PGM5: variants seen among roughly 807,000 people sequenced by gnomAD.
PGM5 encodes the protein phosphoglucomutase-like protein 5.
In PGM5, 23 loss-of-function variants were observed where a neutral mutation model predicts 59.2. The observed-to-expected ratio is 0.39, with a 90% CI of 0.28 to 0.55. The LOEUF (loss-of-function observed/expected upper bound fraction) is 0.55. Ranked by LOEUF, PGM5 falls within the 20% of genes least tolerant of loss-of-function variation. The pLI is 0.66. For missense variants in PGM5, 574 were observed against 748.3 expected, an observed-to-expected ratio of 0.77 and a Z score of 2.72; for synonymous variants, 214 against 286.0, an observed-to-expected ratio of 0.75 and a Z score of 2.54.
intron 6 of PGM5, among the ~76,000 whole-genome samples, chr9:68,407,469 C>A (rs1447896684): frequency 1.3e-5 from 2 of 152,110 alleles, no homozygotes; most frequent in Non-Finnish European, 2.9e-5. Flanking sequence ...TGATTAATAT[C>A]CTCTAAAACA....
chr9:68,453,053 G>A (rs1209479195), intron 6 of PGM5, among the ~76,000 whole-genome samples: 1 of 152,198 alleles, frequency 6.6e-6, no homozygotes, highest in East Asian at 1.9e-4. Context: ...ATTTTCCCAT[G>A]TGTGCTGAAT....
chr9:68,372,945 C>T (rs1821779663), intron 1 of PGM5, among the ~76,000 whole-genome samples: 1 of 152,076 alleles, frequency 6.6e-6, no homozygotes, highest in Non-Finnish European at 1.5e-5. Context: ...GGGACTCGCC[C>T]CCATGATCCA....
At chr9:68,370,944 G>C (rs1427928652) in intron 1 of PGM5, among the ~76,000 whole-genome samples, 1 of 152,090 alleles carries the variant, frequency 6.6e-6, no homozygotes, top group Non-Finnish European at 1.5e-5. Flanking sequence ...TGTGTGTTTG[G>C]GAATGCATAT....
chr9:68,489,690 C>T (rs1824357656), intron 9 of PGM5, among the ~76,000 whole-genome samples: 1 of 152,070 alleles, frequency 6.6e-6, no homozygotes, highest in South Asian at 2.1e-4. Context: ...TGATCTCAAA[C>T]TCCTGACCTC....
intron 9 of PGM5, among the ~76,000 whole-genome samples, chr9:68,493,114 C>T (rs931180868): frequency 6.6e-6 from 1 of 152,122 alleles, no homozygotes; most frequent in Non-Finnish European, 1.5e-5. Flanking sequence ...CAGTATTTGA[C>T]TAGGTCCAAT....
chr9:68,493,323 A>G (rs1824430073), intron 9 of PGM5, among the ~76,000 whole-genome samples: 1 of 152,240 alleles, frequency 6.6e-6, no homozygotes, highest in African/African-American at 2.4e-5. Flanking sequence ...TCAAACATTT[A>G]TCAGATACCT....
chr9:68,511,597 C>G (rs763161202), intron 10 of PGM5, among the ~76,000 whole-genome samples: 4 of 122,728 alleles, frequency 3.3e-5, no homozygotes, highest in Non-Finnish European at 6.4e-5. Context: ...TGTCACCAGG[C>G]TGGAGTGCAG....
intron 1 of PGM5, among the ~76,000 whole-genome samples, chr9:68,375,826 A>G (rs1554677573): frequency 6.6e-6 from 1 of 152,228 alleles, no homozygotes; most frequent in Non-Finnish European, 1.5e-5. Flanking sequence ...GCTATCTCTG[A>G]TTAGCTTACA....
intron 6 of PGM5, among the ~76,000 whole-genome samples, chr9:68,403,963 G>A (rs113123527): frequency 0.27 from 40,989 of 152,088 alleles, 6,830 homozygotes; most frequent in Admixed American, 0.35. Context: ...AATGTTGACC[G>A]TAGTTCAAGG....
chr9:68,361,619 C>T (rs1425244086), intron 1 of PGM5, among the ~76,000 whole-genome samples: 19 of 152,204 alleles, frequency 1.2e-4, no homozygotes, highest in Non-Finnish European at 2.8e-4. Context: ...GCTGGGCCCT[C>T]ACATAGTGGG....
At position 68,406,856 on chromosome 9, in the gene PGM5, G is replaced by A. The variant is rs1406135539; in HGVS notation, c.1043+14383G>A. Among the ~76,000 whole-genome samples, 33 of 150,514 alleles carry A rather than the reference G, an allele frequency of 2.2e-4. 1 individual carries two copies. In the East Asian group the frequency reaches 3.3e-3, roughly 15 times the overall value. Reference sequence around the variant, plus strand: ...AGTGGATTCTCATGAGTAGTCTCCCGTGCTTCCACATTAAGGACTAAATGT... The same window carrying A: ...AGTGGATTCTCATGAGTAGTCTCCCATGCTTCCACATTAAGGACTAAATGT... On this transcript the variant is annotated intron_variant, in intron 6 of 10. Transcript: ENST00000396396.
chr9:68,455,330 C>T (rs1346862740), intron 6 of PGM5, among the ~76,000 whole-genome samples: 5 of 152,088 alleles, frequency 3.3e-5, no homozygotes, highest in Non-Finnish European at 7.4e-5. Flanking sequence ...AGAGTTTTGG[C>T]CCTGAGAGAT....
intron 7 of PGM5, chr9:68,466,561 T>G (rs1823938376): frequency 6.4e-6 from 1 of 157,114 alleles, no homozygotes; most frequent in South Asian, 1.9e-4. Context: ...CAGTAGATAT[T>G]CAGGTCAATT....
intron 10 of PGM5, among the ~76,000 whole-genome samples, chr9:68,520,517 C>T (rs1824885839): frequency 6.6e-6 from 1 of 152,096 alleles, no homozygotes; most frequent in African/African-American, 2.4e-5. Context: ...GATATTACAC[C>T]ACGCAACATC....
chr9:68,463,935 C>T (rs1014674385), intron 6 of PGM5, among the ~76,000 whole-genome samples: 15 of 152,184 alleles, frequency 9.9e-5, no homozygotes, highest in African/African-American at 2.6e-4. Flanking sequence ...CCTCAACTTA[C>T]GATGGGATTG....
intron 6 of PGM5, chr9:68,399,253 A>T (rs1454507939): frequency 1.3e-5 from 2 of 151,962 alleles, no homozygotes; most frequent in Admixed American, 6.6e-5. Flanking sequence ...ATCACAGTGA[A>T]TACTGCTGCA....
intron 6 of PGM5, chr9:68,400,683 C>T (rs1344365068): frequency 6.6e-6 from 1 of 152,508 alleles, no homozygotes; most frequent in African/African-American, 2.4e-5. Flanking sequence ...GACCCAATCT[C>T]CTTTGGATAT....
Position 68,384,463 on chromosome 9 carries a change from A to G in PGM5, c.490A>G (p.Ile164Val), listed in dbSNP as rs782169836. 1 of 1,602,712 alleles carries G rather than the reference A, an allele frequency of 6.2e-7. No individual in the cohort carries two copies. The highest frequency in any genetic ancestry group is 1.7e-5 in the Admixed American group (1 of 59,868). Reference protein sequence around the residue: ...QISKTIEEYAICPDLRIDLSR... With the variant: ...QISKTIEEYAVCPDLRIDLSR... ...CAGCAAAACGATTGAGGAATATGCT[A>G]TATGTCCTGATCTCCGAATCGACCT... Residue 164 changes from isoleucine (I) to valine (V), a missense_variant, in exon 3 of 11, where the codon ATA becomes GTA. Physicochemically the swap from Ile to Val is conservative, Grantham distance 29 (BLOSUM62 3). This residue lies in a region of PGM5 where 103 missense variants were observed against 112.4 expected (regional missense o/e 0.92). Coordinates refer to ENST00000396396, the MANE Select transcript of PGM5 (RefSeq NM_021965.4).
intron 6 of PGM5, among the ~76,000 whole-genome samples, chr9:68,433,811 A>T (rs1554683202): frequency 6.6e-6 from 1 of 152,252 alleles, no homozygotes; most frequent in Non-Finnish European, 1.5e-5. Context: ...AAATAAAATG[A>T]AGAGGTCAGG....
Sources: gnomAD v4.1 joint callset for allele counts (sites outside exome capture counted in the v4.1 genomes callset) on GRCh38, gnomAD v4.1.1 for gene constraint, gnomAD v4.1.1 regional missense constraint, MANE v1.5 for transcripts, NCBI Gene and HGNC (gene_info 2026-07-23, HGNC 2026-07-21) for gene names.